Variants in ROBO2 observed in about 807,000 individuals in gnomAD.
ROBO2 encodes the protein roundabout guidance receptor 2.
ROBO2 carries 53 observed loss-of-function variants against 160.8 expected under a neutral mutation model. The observed-to-expected ratio is 0.33, with a 90% CI of 0.26 to 0.41. The LOEUF is 0.41. Among genes scored for constraint, ROBO2 ranks in the 10% least tolerant of loss-of-function variants. The pLI is 1.00. For synonymous variants in ROBO2, 664 were observed against 611.7 expected, an observed-to-expected ratio of 1.09 and a Z score of -1.26; for missense variants, 1,577 against 1,722.4, an observed-to-expected ratio of 0.92 and a Z score of 1.49.
chr3:77,478,397 C>T (rs150269363), intron 3 of ROBO2, among the ~76,000 whole-genome samples: 186 of 152,168 alleles, frequency 1.2e-3, no homozygotes, highest in African/African-American at 4.4e-3. Context: ...GAAATCAAAA[C>T]AGCTGACTGA....
At chr3:77,490,723 A>G (rs2085997451) in intron 4 of ROBO2, among the ~76,000 whole-genome samples, 1 of 151,894 alleles carries the variant, frequency 6.6e-6, no homozygotes. Flanking sequence ...CACACAATCC[A>G]TGTTTTACCT....
At chr3:76,744,960 C>T (rs2108104692) in intron 2 of ROBO2, among the ~76,000 whole-genome samples, 1 of 152,218 alleles carries the variant, frequency 6.6e-6, no homozygotes, top group East Asian at 1.9e-4. Context: ...TTACTTTTAG[C>T]TTTTCCTGCC....
chr3:76,505,037 A>C (rs1190034466), intron 2 of ROBO2, among the ~76,000 whole-genome samples: 2 of 152,168 alleles, frequency 1.3e-5, no homozygotes. Flanking sequence ...GTGTGGGCAA[A>C]TGGGATAAAC....
At chr3:76,908,691 G>A (rs1559686196) in intron 2 of ROBO2, among the ~76,000 whole-genome samples, 1 of 152,124 alleles carries the variant, frequency 6.6e-6, no homozygotes, top group Non-Finnish European at 1.5e-5. Flanking sequence ...AAAGACCAGA[G>A]AAATCACAAG....
At chr3:76,702,233 G>T (rs1212881558) in intron 2 of ROBO2, among the ~76,000 whole-genome samples, 1 of 151,928 alleles carries the variant, frequency 6.6e-6, no homozygotes, top group African/African-American at 2.4e-5. Context: ...TTAATATTGT[G>T]CATGTTCCCA....
intron 2 of ROBO2, among the ~76,000 whole-genome samples, chr3:76,977,751 C>T (rs954325077): frequency 2.6e-5 from 4 of 152,064 alleles, no homozygotes; most frequent in African/African-American, 9.7e-5. Flanking sequence ...GTTGTATCTG[C>T]CGTACTTTGT....
chr3:77,275,153 T>C (rs557305270), intron 2 of ROBO2, among the ~76,000 whole-genome samples: 12 of 152,176 alleles, frequency 7.9e-5, no homozygotes, highest in Non-Finnish European at 1.6e-4. Flanking sequence ...TGAAGACAGG[T>C]AAATACATAG....
intron 2 of ROBO2, among the ~76,000 whole-genome samples, chr3:76,209,528 A>C (rs947899783): frequency 6.6e-6 from 1 of 152,156 alleles, no homozygotes; most frequent in Non-Finnish European, 1.5e-5. Flanking sequence ...GTATATACAA[A>C]ATGTTTAGAT....
At chr3:77,028,872 G>C (rs1206970819) in intron 2 of ROBO2, among the ~76,000 whole-genome samples, 1 of 152,116 alleles carries the variant, frequency 6.6e-6, no homozygotes, top group Non-Finnish European at 1.5e-5. Flanking sequence ...GTGTGTGTGT[G>C]AATATAAGAA....
chr3:76,501,736 C>A (rs906160371), intron 2 of ROBO2, among the ~76,000 whole-genome samples: 2 of 152,084 alleles, frequency 1.3e-5, no homozygotes, highest in Non-Finnish European at 2.9e-5. Context: ...TAGAAAGGCT[C>A]AACTCTATGA....
chr3:76,632,357 C>G (rs537994639), intron 2 of ROBO2, among the ~76,000 whole-genome samples: 2 of 152,274 alleles, frequency 1.3e-5, no homozygotes, highest in African/African-American at 4.8e-5. Context: ...TTGCTTGCTT[C>G]TGTGCATTAG....
chr3:76,720,760 G>A (rs1381271589), intron 2 of ROBO2, among the ~76,000 whole-genome samples: 3 of 152,128 alleles, frequency 2.0e-5, no homozygotes, highest in East Asian at 1.9e-4. Flanking sequence ...GGAGATTAGC[G>A]ATTTGCCCAC....
exon 8 of ROBO2, chr3:77,550,851 A>G (rs1178367540): frequency 6.2e-7 from 1 of 1,613,086 alleles, no homozygotes; most frequent in Admixed American, 1.7e-5. Flanking sequence ...CCAGCAGCCC[A>G]ACAGTAGATG....
chr3:76,358,809 A>C (rs1324340770), intron 2 of ROBO2, among the ~76,000 whole-genome samples: 1 of 151,762 alleles, frequency 6.6e-6, no homozygotes, highest in African/African-American at 2.4e-5. Flanking sequence ...TTTAGGGTAC[A>C]TGTGCACAAT....
chr3:76,135,026 C>T lies in ROBO2; in HGVS notation c.109+197424C>T, dbSNP rs140884907. The stretch of plus-strand genomic sequence containing the variant: ...TTACTCACAGTCATTTAGGACCTTA[C>T]GGGGCCAGTGGCTCTGCCATCTCTG... On this transcript the variant is annotated intron_variant, in intron 2 of 26. Coordinates refer to the ROBO2 transcript ENST00000487694. 9.7e-4 allele frequency among the ~76,000 whole-genome samples: 147 copies of T among 152,162 alleles called. 1 individual carries two copies. Among genetic ancestry groups the T allele is most frequent in the African/African-American group, 3.3e-3 (139 of 41,530 alleles).
At position 77,101,749 on chromosome 3, in the gene ROBO2, T is replaced by C. The variant is rs142451229; in HGVS notation, c.388+3409T>C. Among the ~76,000 whole-genome samples the C allele has an allele frequency of 3.3e-5, 5 of 152,174 alleles. No homozygotes were observed. The East Asian group carries it at 9.7e-4, about 30-fold the overall frequency. ...AATCAAGGAATACATTAAAAAATAATAAAATTGGGGCCAGGTGTGTTGGTT... is the reference window on the plus strand; with the variant it reads ...AATCAAGGAATACATTAAAAAATAACAAAATTGGGGCCAGGTGTGTTGGTT... On this transcript the variant is annotated intron_variant, in intron 2 of 25. Transcript: ENST00000461745.
intron 3 of ROBO2, among the ~76,000 whole-genome samples, chr3:77,478,651 G>C (rs2084322368): frequency 6.6e-6 from 1 of 152,160 alleles, no homozygotes. Flanking sequence ...CAATACAACT[G>C]AGAGTGAATA....
intron 2 of ROBO2, among the ~76,000 whole-genome samples, chr3:76,781,853 G>C (rs997553541): frequency 6.6e-6 from 1 of 150,702 alleles, no homozygotes; most frequent in African/African-American, 2.4e-5. Context: ...CCCGGCTTTG[G>C]TATCAGGGTA....
intron 2 of ROBO2, among the ~76,000 whole-genome samples, chr3:77,309,678 A>C (rs1015391986): frequency 3.3e-5 from 5 of 152,234 alleles, no homozygotes; most frequent in Non-Finnish European, 7.3e-5. Flanking sequence ...AGTCATGGCA[A>C]CTGCCCTGTC....
Sources: allele counts gnomAD v4.1 joint callset (sites outside exome capture counted in the v4.1 genomes callset), GRCh38; gene constraint gnomAD v4.1.1; transcripts MANE v1.5; gene names NCBI Gene and HGNC (gene_info 2026-07-23, HGNC 2026-07-21).